CDC16: variants seen among roughly 807,000 people sequenced by gnomAD.
The protein encoded by CDC16 is cell division cycle 16.
CDC16 carries 34 observed loss-of-function variants against 87.0 expected under a neutral mutation model. The observed-to-expected ratio is 0.39, with a 90% CI of 0.30 to 0.52. The LOEUF is 0.52. Among genes scored for constraint, CDC16 ranks in the 20% least tolerant of loss-of-function variants. The probability of loss-of-function intolerance (pLI) is 0.74; values close to 1 mark genes in which losing one functional copy is unlikely to be tolerated. For missense variants in CDC16, 653 were observed against 751.9 expected (o/e 0.87, Z 1.54); for synonymous variants, 263 against 260.6 (o/e 1.01, Z -0.09).
intron 17 of CDC16, among the ~76,000 whole-genome samples, chr13:114,267,530 C>T (rs1279527405): frequency 6.6e-6 from 1 of 152,066 alleles, no homozygotes; most frequent in Non-Finnish European, 1.5e-5. Context: ...GGTAGTTATG[C>T]ATATTCTTAC....
intron 17 of CDC16, among the ~76,000 whole-genome samples, chr13:114,270,537 A>G (rs894975791): frequency 6.6e-5 from 10 of 152,192 alleles, no homozygotes; most frequent in African/African-American, 2.4e-4. Context: ...TGCTTATCTC[A>G]GGCTTGGGAA....
At chr13:114,267,716 T>C (rs2083326671) in intron 17 of CDC16, among the ~76,000 whole-genome samples, 1 of 148,626 alleles carries the variant, frequency 6.7e-6, no homozygotes, top group African/African-American at 2.6e-5. Context: ...GGAAAGTTCA[T>C]ACCAAAAGTA....
chr13:114,259,235 C>T (rs1009854205), intron 13 of CDC16, 100 bp from the exon 14 acceptor site: 1 of 652,046 alleles, frequency 1.5e-6, no homozygotes, highest in Non-Finnish European at 2.6e-6. Flanking sequence ...CAGTTTACCC[C>T]ATTGCATTTT....
At chr13:114,239,071 T>G (rs745596353) in intron 4 of CDC16, 43 bp downstream of exon 4, 1 of 1,600,764 alleles carries the variant, frequency 6.2e-7, no homozygotes, top group Non-Finnish European at 8.5e-7. Context: ...TTGAATAAAA[T>G]GAGTGTTATG....
chr13:114,237,602 T>G (rs564571150), intron 3 of CDC16, among the ~76,000 whole-genome samples: 35 of 152,262 alleles, frequency 2.3e-4, no homozygotes, highest in Admixed American at 5.9e-4. Context: ...CAGTTTTTTT[T>G]TAGTGAAAGT....
chr13:114,238,465 G>C (rs573400863), intron 3 of CDC16, among the ~76,000 whole-genome samples: 1 of 147,636 alleles, frequency 6.8e-6, no homozygotes, highest in Admixed American at 6.8e-5. Context: ...CGAGCTCCTC[G>C]GACGCCCAGC....
intron 14 of CDC16, 25 bp downstream of exon 14, chr13:114,259,423 A>G: frequency 1.6e-6 from 2 of 1,268,238 alleles, no homozygotes; most frequent in East Asian, 2.6e-5. Flanking sequence ...ACCTGTAAAT[A>G]TACACATATA....
rs74632387 is a variant in CDC16 at position 114,257,377 on chromosome 13, G to A, written c.1250+147G>A. The stretch of plus-strand genomic sequence containing the variant: ...TTAGGAGAAGGAGATAGAAAAAAAA[G>A]AGAGAAACTGTTATCTTGGATTTCC... On this transcript the variant is annotated intron_variant, in intron 13 of 17. Transcript: ENST00000356221. The A allele has an allele frequency of 3.2e-4, 185 of 583,008 alleles. No homozygotes were observed. In the African/African-American group the frequency reaches 3.2e-3, roughly 10 times the overall value. The allele number at this position is 583,008 out of a possible 1,614,324, so 36.1% of individuals were successfully genotyped here.
rs1566629479 is a variant in CDC16 at position 114,236,684 on chromosome 13, G to A, written c.88G>A (p.Ala30Thr). ...QSALFWADKV[A>T]SLSREEPQDI... is the part of the protein sequence containing the mutation. ...TGCTCTATTTTGGGCAGATAAAGTA[G>A]CTTCACTCTCTCGTGGTAAGTGACA... is the stretch of plus-strand genomic sequence containing the variant. The change falls in exon 2 of 18, where the codon GCT becomes ACT. Residue 30 changes from alanine to threonine, a missense_variant. By Grantham distance (58) the Ala-to-Thr change is moderately conservative. Transcript: ENST00000356221. The A allele has an allele frequency of 6.2e-7, 1 of 1,613,030 alleles. No individual in the cohort carries two copies.
At chr13:114,268,617 C>T (rs569691313) in intron 17 of CDC16, among the ~76,000 whole-genome samples, 1 of 152,106 alleles carries the variant, frequency 6.6e-6, no homozygotes, top group Non-Finnish European at 1.5e-5. Context: ...GTCTTTAGAC[C>T]GTATTCTGCC....
intron 1 of CDC16, 149 bp downstream of exon 1, chr13:114,235,281 C>G (rs924866868): frequency 3.8e-6 from 2 of 528,652 alleles, no homozygotes; most frequent in Admixed American, 8.8e-5. Context: ...AGCGCTGTCT[C>G]CGCCTCGCCC....
At chr13:114,246,571 G>A (rs919080684) in intron 10 of CDC16, among the ~76,000 whole-genome samples, 6 of 152,212 alleles carry the variant, frequency 3.9e-5, no homozygotes, top group Middle Eastern at 3.2e-3. Context: ...CTATCCCAGT[G>A]TGAAACCAGA....
Position 114,244,976 on chromosome 13 carries a change from C to A in CDC16, c.847+7C>A. ...GAGCTGAATAAAGCCAATGGTAAGA[C>A]TTTTTTTTAAATTAAAGTAATTCTT... On this transcript the variant is annotated splice_region_variant and intron_variant, in intron 9 of 17. Transcript: ENST00000356221. The A allele has an allele frequency of 6.6e-7, 1 of 1,506,292 alleles. No homozygotes were observed. Among genetic ancestry groups the A allele is most frequent in the South Asian group, 1.2e-5 (1 of 84,080 alleles). The allele number at this position is 1,506,292 out of a possible 1,614,324, so 93.3% of individuals were successfully genotyped here.
chr13:114,251,052 G>A (rs1398418347), intron 12 of CDC16, among the ~76,000 whole-genome samples: 2 of 152,194 alleles, frequency 1.3e-5, no homozygotes, highest in Non-Finnish European at 2.9e-5. Context: ...GACTGTATTT[G>A]CCAGTATTCT....
Position 114,259,394 on chromosome 13 carries a change from A to G in CDC16, c.1310A>G (p.Asn437Ser). ...TTGGAAAAAATTAAAGCAATTGGGA[A>G]CGAGGTATTCTTTGTAGTACCTGTA... Reference protein sequence around the residue: ...DALEKIKAIGNEVTVDKWEPL... With the variant: ...DALEKIKAIGSEVTVDKWEPL... Residue 437 changes from asparagine (N) to serine (S), a missense_variant, in exon 14 of 18, where the codon AAC (asparagine) becomes AGC (serine). By Grantham distance (46) the Asn-to-Ser change is conservative. Transcript: ENST00000356221. The G allele has an allele frequency of 6.4e-7, 1 of 1,559,564 alleles. No individual in the cohort carries two copies. Among genetic ancestry groups the G allele is most frequent in the Non-Finnish European group, 8.6e-7 (1 of 1,160,034 alleles).
intron 13 of CDC16, among the ~76,000 whole-genome samples, chr13:114,259,128 T>G (rs1010331449): frequency 6.6e-6 from 1 of 151,392 alleles, no homozygotes; most frequent in African/African-American, 2.4e-5. Flanking sequence ...ATATAAATAC[T>G]GTATCTCCCA....
chr13:114,238,432 CAG>C (rs758888229), intron 3 of CDC16, among the ~76,000 whole-genome samples: 39 of 147,780 alleles, frequency 2.6e-4, no homozygotes, highest in Middle Eastern at 3.6e-3. Flanking sequence ...TATTCACACT[CAG>C]GGCCTGAAGT....
rs2083720849 is a variant in CDC16, at chr13:114,272,102, A to G, written c.1604-82A>G. On this transcript the variant is annotated intron_variant, in intron 17 of 17. Coordinates refer to ENST00000356221, the MANE Select transcript of CDC16 (RefSeq NM_001078645.3). ...TAAATAGTATAATCTGACTTAAATG[A>G]TAAGAGATGGTGTTATATAACAATA... 6.5e-6 allele frequency: 5 copies of G among 770,014 alleles called. No individual in the cohort carries two copies. The East Asian group carries it at 1.1e-4, about 17-fold the overall frequency. 47.7% of individuals were successfully genotyped at this position (770,014 alleles called of 1,614,324 possible).
intron 17 of CDC16, among the ~76,000 whole-genome samples, chr13:114,271,070 C>T (rs796918254): frequency 5.9e-5 from 9 of 151,722 alleles, no homozygotes; most frequent in African/African-American, 1.9e-4. Flanking sequence ...TACAGGCGCC[C>T]GCCACTATGC....
Sources: allele counts gnomAD v4.1 joint callset (sites outside exome capture counted in the v4.1 genomes callset), GRCh38; gene constraint gnomAD v4.1.1; transcripts MANE v1.5; gene names NCBI Gene and HGNC (gene_info 2026-07-23, HGNC 2026-07-21).